The following ADD2 variants were observed in gnomAD, a reference collection of about 807,000 sequenced individuals.
ADD2 encodes the protein adducin 2.
In ADD2, 23 loss-of-function variants were observed where a neutral mutation model predicts 83.0. That is an observed-to-expected ratio of 0.28 (90% confidence interval 0.20 to 0.39). The LOEUF (loss-of-function observed/expected upper bound fraction) is 0.39. ADD2 is among the 10% of genes least tolerant of loss of function. ADD2 has a pLI of 1.00. For missense variants in ADD2, 758 were observed against 944.9 expected (o/e 0.80, Z 2.59); for synonymous variants, 375 against 375.4 (o/e 1.00, Z 0.01).
intron 1 of ADD2, among the ~76,000 whole-genome samples, chr2:70,723,080 C>T (rs1016045030): frequency 1.3e-5 from 2 of 152,150 alleles, no homozygotes; most frequent in African/African-American, 2.4e-5. Flanking sequence ...ACATGAAGGA[C>T]CCAGGGAATT....
intron 1 of ADD2, among the ~76,000 whole-genome samples, chr2:70,713,576 A>G (rs1482851948): frequency 1.3e-5 from 2 of 152,166 alleles, no homozygotes; most frequent in Non-Finnish European, 2.9e-5. Context: ...GCGCCACTGC[A>G]CTCCAGCCTG....
At chr2:70,740,520 A>T (rs1045723331) in intron 1 of ADD2, among the ~76,000 whole-genome samples, 5 of 152,168 alleles carry the variant, frequency 3.3e-5, no homozygotes, top group Non-Finnish European at 5.9e-5. Context: ...AGCAGAGTAA[A>T]ATGCTGGTTA....
intron 3 of ADD2, among the ~76,000 whole-genome samples, chr2:70,704,721 C>T (rs549452694): frequency 6.6e-6 from 1 of 152,326 alleles, no homozygotes; most frequent in Non-Finnish European, 1.5e-5. Flanking sequence ...CTTTCTGTGT[C>T]TAAATGAGGG....
chr2:70,713,067 G>A lies in ADD2; in HGVS notation c.-36C>T, dbSNP rs535939647. The A allele has an allele frequency of 1.5e-5, 15 of 984,750 alleles. No individual in the cohort carries two copies. Among genetic ancestry groups the A allele is most frequent in the African/African-American group, 1.0e-4 (6 of 57,210 alleles). The allele number at this position is 984,750 out of a possible 1,614,324, so 61.0% of individuals were successfully genotyped here. On this transcript the variant is annotated splice_region_variant and 5_prime_UTR_variant, in exon 2 of 16. Transcript: ENST00000264436. ...CACCAGAAACTACTGCTTACTTACC[G>A]GGAGGCTGGCCCAGCCCTGTCCAAG... is the stretch of plus-strand genomic sequence containing the variant.
intron 2 of ADD2, 30 bp downstream of exon 2, chr2:70,713,036 C>T (rs1168189522): frequency 1.4e-5 from 13 of 955,422 alleles, no homozygotes; most frequent in South Asian, 4.8e-5. Context: ...GCATCACCCC[C>T]GTCACCACCA....
intron 4 of ADD2, 58 bp downstream of exon 4, chr2:70,704,263 T>TGCCCCCCCCCCCCCCCCCCCCCCCCCC: frequency 4.4e-6 from 4 of 913,236 alleles, no homozygotes; most frequent in Non-Finnish European, 6.8e-6. Context: ...CTCCCTCTCT[T>TGCCCCCCCCCCCCCCCCCCCCCCCCCC]CCCCACCCCA....
In ADD2 at chr2:70,706,104, G is replaced by A; in HGVS notation, c.183+122C>T. On this transcript the variant is annotated intron_variant, in intron 3 of 15. Coordinates refer to ENST00000264436, the MANE Select transcript of ADD2 (RefSeq NM_001617.4). The surrounding 1 kb of genome is among the most constrained non-coding windows in gnomAD (Gnocchi z 5.0). ...GGTGACCAGATCCGTCTTGCTCAGT[G>A]GGCTTACATTTCTACTGACCCTGAG... is the stretch of plus-strand genomic sequence containing the variant. 9.6e-7 allele frequency: 1 copy of A among 1,040,486 alleles called. No homozygotes were observed. The highest frequency in any genetic ancestry group is 1.4e-6 in the Non-Finnish European group (1 of 718,828). 64.5% of individuals were successfully genotyped at this position (1,040,486 alleles called of 1,614,324 possible).
chr2:70,733,434 G>C (rs1315899407), intron 1 of ADD2, among the ~76,000 whole-genome samples: 3 of 152,216 alleles, frequency 2.0e-5, no homozygotes, highest in Non-Finnish European at 4.4e-5. Context: ...CACTGAGCAT[G>C]AAGGTTTGGA....
At chr2:70,766,308 T>C (rs2104575682) in intron 1 of ADD2, among the ~76,000 whole-genome samples, 1 of 151,972 alleles carries the variant, frequency 6.6e-6, no homozygotes, top group Non-Finnish European at 1.5e-5. Context: ...CAGGGAGGAG[T>C]AGGGAAGAAA....
intron 4 of ADD2, among the ~76,000 whole-genome samples, chr2:70,697,039 A>C (rs1671346252): frequency 6.6e-6 from 1 of 152,202 alleles, no homozygotes; most frequent in Non-Finnish European, 1.5e-5. Flanking sequence ...CGCGCCTGTA[A>C]TACCAGCTAC....
chr2:70,767,563 G>T (rs1429854602), intron 1 of ADD2: 1 of 1,105,434 alleles, frequency 9.0e-7, no homozygotes, highest in Non-Finnish European at 1.1e-6. Context: ...GGCGAGGCGA[G>T]GCTTGCCGCC....
rs781892972 is a variant in ADD2, at chr2:70,676,897, G to T, written c.1504-12C>A. ...TTTTGTTCTCGAATCTGTGTGGAAA[G>T]GGGAGAGGAAGAGTGAGCTGGCTGT... On this transcript the variant is annotated splice_polypyrimidine_tract_variant and intron_variant, in intron 12 of 15. Transcript: ENST00000264436. The surrounding 1 kb of genome is among the most constrained non-coding windows in gnomAD (Gnocchi z 4.8). 1.9e-6 allele frequency: 3 copies of T among 1,610,628 alleles called. No homozygotes were observed. In the Admixed American group the frequency reaches 5.0e-5, roughly 27 times the overall value.
intron 1 of ADD2, among the ~76,000 whole-genome samples, chr2:70,732,729 C>A (rs6742609): frequency 0.14 from 20,998 of 152,150 alleles, 1,606 homozygotes; most frequent in Middle Eastern, 0.26. Flanking sequence ...CTCCTCTGAA[C>A]CAAGCCCACT....
intron 1 of ADD2, among the ~76,000 whole-genome samples, chr2:70,729,808 G>A (rs1375569717): frequency 6.6e-6 from 1 of 152,180 alleles, no homozygotes; most frequent in Non-Finnish European, 1.5e-5. Flanking sequence ...AGATGGAGAT[G>A]TCAACTAGAG....
chr2:70,723,761 C>A (rs1353418738), intron 1 of ADD2, among the ~76,000 whole-genome samples: 1 of 152,102 alleles, frequency 6.6e-6, no homozygotes, highest in Non-Finnish European at 1.5e-5. Flanking sequence ...TGTGCCCAGC[C>A]GTCTCCTGAC....
At chr2:70,672,298 T>G (rs1385405149) in intron 15 of ADD2, among the ~76,000 whole-genome samples, 2 of 152,218 alleles carry the variant, frequency 1.3e-5, no homozygotes, top group Non-Finnish European at 2.9e-5. Flanking sequence ...CACTTTAGAT[T>G]CCCCTGGAGA....
At chr2:70,684,801 TG>T (rs1194299392) in intron 9 of ADD2, among the ~76,000 whole-genome samples, 1 of 152,158 alleles carries the variant, frequency 6.6e-6, no homozygotes, top group African/African-American at 2.4e-5. Flanking sequence ...CAAGGCTCCA[TG>T]GGGAGGGCAA....
rs1430046632 is a variant in ADD2 at position 70,659,919 on chromosome 2, T to C, written c.*3506A>G. 1.3e-5 allele frequency: 2 copies of C among 152,314 alleles called. No homozygotes were observed. Among genetic ancestry groups the C allele is most frequent in the Non-Finnish European group, 2.9e-5 (2 of 68,108 alleles). 9.4% of individuals were successfully genotyped at this position (152,314 alleles called of 1,614,324 possible). On this transcript the variant is annotated 3_prime_UTR_variant, in exon 16 of 16. Transcript: ENST00000264436. ...GCTCAGCCAGCCACAGAGCAGCACA[T>C]TGGTTCAAATGTTACCCTTTTCTCT...
chr2:70,716,371 T>C (rs62149817), intron 1 of ADD2, among the ~76,000 whole-genome samples: 13,230 of 152,130 alleles, frequency 0.087, 789 homozygotes, highest in Non-Finnish European at 0.14. Flanking sequence ...CAAAGCAGAT[T>C]CTTGGTTGGG....
Sources: allele counts gnomAD v4.1 joint callset (sites outside exome capture counted in the v4.1 genomes callset), GRCh38; gene constraint gnomAD v4.1.1; non-coding constraint Gnocchi (gnomAD v3.1); transcripts MANE v1.5; gene names NCBI Gene and HGNC (gene_info 2026-07-23, HGNC 2026-07-21).